Variants in MACROD2 observed in about 807,000 individuals in gnomAD.
MACROD2 encodes the protein ADP-ribose glycohydrolase MACROD2.
MACROD2 carries 36 observed loss-of-function variants against 70.4 expected under a neutral mutation model. The ratio of observed to expected loss-of-function variants is 0.51; its 90% CI spans 0.39 to 0.68. MACROD2 has a LOEUF of 0.68. Among genes scored for constraint, MACROD2 ranks in the 30% least tolerant of loss-of-function variants. The probability of loss-of-function intolerance (pLI) is 0.00; values close to 1 mark genes in which losing one functional copy is unlikely to be tolerated. For synonymous variants in MACROD2, 172 were observed against 178.8 expected, an observed-to-expected ratio of 0.96 and a Z score of 0.30; for missense variants, 496 against 538.4, an observed-to-expected ratio of 0.92 and a Z score of 0.78.
Position 15,869,236 on chromosome 20 carries a change from T to TAGAGAG in MACROD2, c.727+6411_727+6412insGAGAGA, listed in dbSNP as rs1423223643. Among the ~76,000 whole-genome samples, 316 of 33,396 alleles carry TAGAGAG rather than the reference T, an allele frequency of 9.5e-3. 5 individuals carry two copies. The highest frequency in any genetic ancestry group is 0.015 in the Non-Finnish European group (199 of 12,976). The allele number at this position is 33,396 out of a possible 152,430, so 21.9% of individuals were successfully genotyped here. A position where few individuals can be genotyped will look rare whatever the true frequency, so the allele number is the denominator to read the frequency against. On this transcript the variant is annotated intron_variant, in intron 9 of 17. Coordinates refer to ENST00000684519, the MANE Select transcript of MACROD2 (RefSeq NM_001351661.2). ...ATATATATATATATATATATATATA[T>TAGAGAG]ATAGAGAGAGAGAGAGAGAGAGAGA...
At chr20:14,875,643 C>T (rs1211562199) in intron 5 of MACROD2, among the ~76,000 whole-genome samples, 2 of 151,988 alleles carry the variant, frequency 1.3e-5, no homozygotes, top group Non-Finnish European at 2.9e-5. Context: ...TTCTTTTTCT[C>T]CCCTCTCTAG....
intron 5 of MACROD2, among the ~76,000 whole-genome samples, chr20:15,065,724 A>G (rs1378461479): frequency 6.6e-6 from 1 of 152,070 alleles, no homozygotes; most frequent in Non-Finnish European, 1.5e-5. Context: ...TAACATTATT[A>G]TATGCCTAAC....
intron 3 of MACROD2, among the ~76,000 whole-genome samples, chr20:14,189,639 C>T (rs1423550965): frequency 6.6e-6 from 1 of 151,900 alleles, no homozygotes. Context: ...GAGGTCAGAC[C>T]CATGATGGAA....
intron 8 of MACROD2, among the ~76,000 whole-genome samples, chr20:15,749,524 T>G (rs765886338): frequency 2.6e-5 from 4 of 151,998 alleles, no homozygotes; most frequent in African/African-American, 4.8e-5. Flanking sequence ...AATCAAGGAG[T>G]GGGAGCTTTT....
intron 6 of MACROD2, among the ~76,000 whole-genome samples, chr20:15,271,873 C>A (rs1381992179): frequency 6.6e-6 from 1 of 152,148 alleles, no homozygotes; most frequent in African/African-American, 2.4e-5. Flanking sequence ...CTCTTGTTAA[C>A]AAGAAACAGT....
At chr20:15,709,814 A>G (rs745712288) in intron 8 of MACROD2, among the ~76,000 whole-genome samples, 3 of 152,186 alleles carry the variant, frequency 2.0e-5, no homozygotes, top group Non-Finnish European at 4.4e-5. Flanking sequence ...CCTCTCTTCT[A>G]GCTATTTGAA....
chr20:15,675,492 C>A (rs886658256), intron 8 of MACROD2, among the ~76,000 whole-genome samples: 3 of 152,168 alleles, frequency 2.0e-5, no homozygotes, highest in East Asian at 1.9e-4. Flanking sequence ...TTTCAGAGTT[C>A]TTCAATGCAT....
At chr20:14,456,003 A>T (rs911711590) in intron 3 of MACROD2, among the ~76,000 whole-genome samples, 6 of 151,888 alleles carry the variant, frequency 4.0e-5, no homozygotes, top group Admixed American at 2.0e-4. Flanking sequence ...GAGGAACAAT[A>T]GAACAAATTT....
At chr20:15,753,750 C>T (rs1416274692) in intron 8 of MACROD2, among the ~76,000 whole-genome samples, 2 of 152,198 alleles carry the variant, frequency 1.3e-5, no homozygotes, top group African/African-American at 4.8e-5. Flanking sequence ...ATAAACATCC[C>T]CTTTTCTCTG....
chr20:15,390,102 G>A (rs911759757), intron 6 of MACROD2, among the ~76,000 whole-genome samples: 1 of 152,134 alleles, frequency 6.6e-6, no homozygotes, highest in Admixed American at 6.5e-5. Context: ...AAGTGTTCCA[G>A]CCCCAGCCCA....
intron 2 of MACROD2, among the ~76,000 whole-genome samples, chr20:14,005,602 C>CT (rs928210359): frequency 1.1e-3 from 152 of 144,704 alleles, no homozygotes; most frequent in Non-Finnish European, 1.2e-3. Flanking sequence ...TTTCTCCAAA[C>CT]TTTTTTTTTT....
At chr20:15,844,352 C>T (rs1415339764) in intron 8 of MACROD2, among the ~76,000 whole-genome samples, 1 of 152,108 alleles carries the variant, frequency 6.6e-6, no homozygotes, top group African/African-American at 2.4e-5. Flanking sequence ...ATCAACCTAT[C>T]AAACATCCTT....
intron 10 of MACROD2, among the ~76,000 whole-genome samples, chr20:15,903,604 C>T (rs958257232): frequency 2.0e-5 from 3 of 152,286 alleles, no homozygotes; most frequent in South Asian, 2.1e-4. Context: ...AGAATCTTCA[C>T]GTCCAATAAT....
At chr20:15,221,543 C>T (rs1040833862) in intron 5 of MACROD2, among the ~76,000 whole-genome samples, 6 of 152,142 alleles carry the variant, frequency 3.9e-5, no homozygotes, top group African/African-American at 7.2e-5. Flanking sequence ...CCATGAGTTT[C>T]AATCTGTGTT....
intron 5 of MACROD2, among the ~76,000 whole-genome samples, chr20:14,864,750 T>G (rs2073409751): frequency 6.6e-6 from 1 of 152,074 alleles, no homozygotes. Flanking sequence ...GGTTACCTTT[T>G]TCTGCTAATG....
intron 8 of MACROD2, among the ~76,000 whole-genome samples, chr20:15,767,543 C>CA (rs139840438): frequency 0.015 from 2,349 of 152,264 alleles, 65 homozygotes; most frequent in African/African-American, 0.053. Flanking sequence ...TAACCAATGG[C>CA]AAAGAATTCT....
chr20:15,471,517 CTT>C (rs1209447143), intron 7 of MACROD2, among the ~76,000 whole-genome samples: 1 of 152,072 alleles, frequency 6.6e-6, no homozygotes, highest in Non-Finnish European at 1.5e-5. Flanking sequence ...TCAAAAAAAA[CTT>C]TATGTTTCAT....
At chr20:15,992,212 G>A (rs2066568136) in intron 15 of MACROD2, among the ~76,000 whole-genome samples, 1 of 152,080 alleles carries the variant, frequency 6.6e-6, no homozygotes, top group Non-Finnish European at 1.5e-5. Context: ...AGAAAGTTAT[G>A]CAGGCCTCTT....
intron 3 of MACROD2, among the ~76,000 whole-genome samples, chr20:14,292,507 G>A (rs567496847): frequency 3.9e-5 from 6 of 152,026 alleles, no homozygotes; most frequent in Non-Finnish European, 7.4e-5. Context: ...CATCAACAGT[G>A]ACTGCTGCAC....
Sources: gnomAD v4.1 joint callset for allele counts (sites outside exome capture counted in the v4.1 genomes callset) on GRCh38, gnomAD v4.1.1 for gene constraint, MANE v1.5 for transcripts, NCBI Gene and HGNC (gene_info 2026-07-23, HGNC 2026-07-21) for gene names.